Variants in GRIK2 observed in about 807,000 individuals in gnomAD.
GRIK2 encodes the protein glutamate ionotropic receptor kainate type subunit 2.
A neutral mutation model predicts 100.3 loss-of-function variants in GRIK2; 32 were observed. The observed-to-expected ratio is 0.32, with a 90% CI of 0.24 to 0.43. The LOEUF (loss-of-function observed/expected upper bound fraction) is 0.43. Ranked by LOEUF, GRIK2 falls within the 20% of genes least tolerant of loss-of-function variation. GRIK2 has a pLI of 1.00. For synonymous variants in GRIK2, 417 were observed against 389.4 expected, an observed-to-expected ratio of 1.07 and a Z score of -0.83; for missense variants, 843 against 1,114.9, an observed-to-expected ratio of 0.76 and a Z score of 3.47.
intron 2 of GRIK2, among the ~76,000 whole-genome samples, chr6:101,542,911 T>G (rs1453197894): frequency 6.6e-6 from 1 of 152,112 alleles, no homozygotes; most frequent in African/African-American, 2.4e-5. Flanking sequence ...TTCAAGCCGA[T>G]TGTGTCAAGG....
rs115962394 is a variant in GRIK2, at chr6:101,569,049, C to T, written c.116-52900C>T. ...CTTGCTTTGAGAGCCATAATATTCA[C>T]GTTTGTCCCTAGCTGTGAGTATAAA... is the stretch of plus-strand genomic sequence containing the variant. On this transcript the variant is annotated intron_variant, in intron 2 of 16. Coordinates refer to ENST00000369134, the MANE Select transcript of GRIK2 (RefSeq NM_021956.5). 9.7e-3 allele frequency among the ~76,000 whole-genome samples: 1,472 copies of T among 152,064 alleles called. 28 individuals carry two copies. Among genetic ancestry groups the T allele is most frequent in the African/African-American group, 0.034 (1,431 of 41,530 alleles).
chr6:101,822,435 G>A (rs1003882018), intron 10 of GRIK2, among the ~76,000 whole-genome samples: 1 of 152,042 alleles, frequency 6.6e-6, no homozygotes, highest in Admixed American at 6.6e-5. Context: ...AAGGGCAAGG[G>A]AGTATTCTAG....
chr6:101,973,499 A>G lies in GRIK2; in HGVS notation c.2085+44867A>G, dbSNP rs73763611. Among the ~76,000 whole-genome samples, 689 of 151,968 alleles carry G rather than the reference A, an allele frequency of 4.5e-3. 4 individuals carry two copies. The highest frequency in any genetic ancestry group is 0.016 in the African/African-American group (662 of 41,518). ...ACATAGAAAGATTCTCACTACCATA[A>G]CCTTTCAGGAGAAAGTTTTTTGCTG... On this transcript the variant is annotated intron_variant, in intron 14 of 16. Transcript: ENST00000369134.
intron 12 of GRIK2, among the ~76,000 whole-genome samples, chr6:101,892,833 AAAT>A (rs1461773193): frequency 1.3e-5 from 2 of 151,534 alleles, no homozygotes; most frequent in African/African-American, 4.8e-5. Context: ...TTCAATCTTA[AAAT>A]AATCTTGTTT....
intron 4 of GRIK2, among the ~76,000 whole-genome samples, chr6:101,639,209 G>T (rs985007129): frequency 1.7e-4 from 26 of 152,102 alleles, no homozygotes; most frequent in African/African-American, 6.0e-4. Flanking sequence ...GCTAATTTTA[G>T]TATTTTTTAG....
intron 7 of GRIK2, among the ~76,000 whole-genome samples, chr6:101,797,662 A>G (rs1015056491): frequency 5.5e-5 from 6 of 108,644 alleles, no homozygotes; most frequent in Non-Finnish European, 8.9e-5. Flanking sequence ...ATTATGCTGT[A>G]TTTCCATAAT....
intron 14 of GRIK2, among the ~76,000 whole-genome samples, chr6:102,004,390 T>C (rs906705150): frequency 1.3e-5 from 2 of 151,576 alleles, no homozygotes; most frequent in African/African-American, 4.8e-5. Context: ...ATAAAGCTTT[T>C]AGGATGTTAG....
intron 7 of GRIK2, among the ~76,000 whole-genome samples, chr6:101,728,647 A>G (rs73512708): frequency 0.022 from 3,323 of 152,138 alleles, 156 homozygotes; most frequent in African/African-American, 0.077. Context: ...CTAATTTATA[A>G]CATGGAGATA....
chr6:101,755,409 C>T (rs908483430), intron 7 of GRIK2, among the ~76,000 whole-genome samples: 2 of 152,000 alleles, frequency 1.3e-5, no homozygotes, highest in East Asian at 3.9e-4. Flanking sequence ...CCTTGTGATC[C>T]GCCTGCCTCG....
intron 14 of GRIK2, among the ~76,000 whole-genome samples, chr6:101,946,310 G>T (rs12192251): frequency 6.6e-6 from 1 of 151,878 alleles, no homozygotes; most frequent in Non-Finnish European, 1.5e-5. Flanking sequence ...TTGGGGCAAT[G>T]CTATAAACAT....
At chr6:101,542,711 T>C (rs982714459) in intron 2 of GRIK2, among the ~76,000 whole-genome samples, 16 of 152,132 alleles carry the variant, frequency 1.1e-4, no homozygotes, top group Admixed American at 1.0e-3. Context: ...GGAAGAGTTT[T>C]ATTATTATAT....
rs566984133 is a variant in GRIK2, at chr6:102,001,879, G to GCTAT, written c.2086-33459_2086-33456dup. Reference sequence around the variant, plus strand: ...TTTCTAAGTAATCAATGATTTTCTAGCTATCTTTCTGTTAATTTGATTGCT... The same window carrying GCTAT: ...TTTCTAAGTAATCAATGATTTTCTAGCTATCTATCTTTCTGTTAATTTGATTGCT... On this transcript the variant is annotated intron_variant, in intron 14 of 16. Transcript: ENST00000369134. Among the ~76,000 whole-genome samples the GCTAT allele has an allele frequency of 1.1e-3, 164 of 151,364 alleles. 1 individual carries two copies. Among genetic ancestry groups the GCTAT allele is most frequent in the Middle Eastern group, 3.4e-3 (1 of 294 alleles).
intron 10 of GRIK2, among the ~76,000 whole-genome samples, chr6:101,836,643 G>GTATATATA (rs201661389): frequency 2.3e-5 from 2 of 86,402 alleles, no homozygotes; most frequent in African/African-American, 9.2e-5. Flanking sequence ...ATATGTATGT[G>GTATATATA]TATATATATA....
chr6:101,601,224 G>A (rs193047448), intron 2 of GRIK2, among the ~76,000 whole-genome samples: 2 of 150,422 alleles, frequency 1.3e-5, no homozygotes, highest in Admixed American at 6.7e-5. Flanking sequence ...CTTTTTATAT[G>A]GTGAATCATA....
At position 101,777,040 on chromosome 6, in the gene GRIK2, T is replaced by C. The variant is rs141278743; in HGVS notation, c.952-22608T>C. On this transcript the variant is annotated intron_variant, in intron 7 of 16. Transcript: ENST00000369134. The stretch of plus-strand genomic sequence containing the variant: ...CCTATGCACCATGTGCCAGGAATTG[T>C]GCGAACTGCTTTAATGTATTATCTC... Among the ~76,000 whole-genome samples the C allele has an allele frequency of 4.8e-3, 734 of 152,346 alleles. 5 individuals are homozygous for C. The highest frequency in any genetic ancestry group is 0.016 in the African/African-American group (667 of 41,576).
chr6:101,872,719 A>G (rs925523043), intron 11 of GRIK2, among the ~76,000 whole-genome samples: 2 of 151,804 alleles, frequency 1.3e-5, no homozygotes, highest in African/African-American at 2.4e-5. Context: ...CATCTTTTTC[A>G]TCTTATTCCC....
At position 101,686,508 on chromosome 6, in the gene GRIK2, C is replaced by T. The variant is rs149205702; in HGVS notation, c.951+155C>T. 9.8e-4 allele frequency among the ~76,000 whole-genome samples: 149 copies of T among 152,178 alleles called. 2 individuals are homozygous for T. The highest frequency in any genetic ancestry group is 3.4e-3 in the Middle Eastern group (1 of 292). On this transcript the variant is annotated intron_variant, in intron 7 of 16. Transcript: ENST00000369134. ...GCTACAATGCAAATACTTGTATTAA[C>T]AATTTTTTTAAATCAATTTTATATG... is the stretch of plus-strand genomic sequence containing the variant.
intron 11 of GRIK2, among the ~76,000 whole-genome samples, chr6:101,886,308 T>C (rs551064858): frequency 6.6e-6 from 1 of 152,226 alleles, no homozygotes; most frequent in Non-Finnish European, 1.5e-5. Flanking sequence ...ACTATTCCAT[T>C]GTATGGATGT....
At chr6:102,064,288 C>A (rs1771895585) in intron 16 of GRIK2, among the ~76,000 whole-genome samples, 1 of 149,164 alleles carries the variant, frequency 6.7e-6, no homozygotes, top group African/African-American at 2.5e-5. Context: ...TTCTCTTCTC[C>A]TTCTCCTCCT....
Sources: gnomAD v4.1 joint callset for allele counts (sites outside exome capture counted in the v4.1 genomes callset) on GRCh38, gnomAD v4.1.1 for gene constraint, MANE v1.5 for transcripts, NCBI Gene and HGNC (gene_info 2026-07-23, HGNC 2026-07-21) for gene names.